Variants in FHAD1 observed in about 807,000 individuals in gnomAD.
FHAD1 encodes the protein forkhead associated phosphopeptide binding domain 1, also known as forkhead-associated domain-containing protein 1.
Under a neutral mutation model 191.3 loss-of-function variants are expected in FHAD1, and 146 were observed. The observed-to-expected ratio is 0.76, with a 90% CI of 0.67 to 0.88. The LOEUF (loss-of-function observed/expected upper bound fraction) is 0.88. Ranked by LOEUF, FHAD1 falls within the 40% of genes least tolerant of loss-of-function variation. The probability of loss-of-function intolerance (pLI) is 0.00; values close to 1 mark genes in which losing one functional copy is unlikely to be tolerated. For missense variants in FHAD1, 1,635 were observed against 1,785.8 expected (o/e 0.92, Z 1.52); for synonymous variants, 616 against 672.3 (o/e 0.92, Z 1.29).
Position 15,318,011 on chromosome 1 carries a change from A to T in FHAD1, c.1365+83A>T, listed in dbSNP as rs1675041146. 5.8e-6 allele frequency: 5 copies of T among 867,908 alleles called. No homozygotes were observed. The South Asian group carries it at 7.8e-5, about 14-fold the overall frequency. 53.8% of individuals were successfully genotyped at this position (867,908 alleles called of 1,614,324 possible). ...TCCCTGTTAGTCCTCTAAGTGGACT[A>T]TGCTGGTATTAACCCTTCTTACAGC... On this transcript the variant is annotated intron_variant, in intron 10 of 33. Transcript: ENST00000688493. The surrounding 1 kb of genome is among the most constrained non-coding windows in gnomAD (Gnocchi z 4.1).
chr1:15,292,053 CT>C (rs1664956742), intron 4 of FHAD1, among the ~76,000 whole-genome samples: 1 of 152,214 alleles, frequency 6.6e-6, no homozygotes, highest in African/African-American at 2.4e-5. Flanking sequence ...ATTGTGTTCT[CT>C]CAAAATTTAT....
At chr1:15,387,647 G>C (rs1397223537) in intron 31 of FHAD1, among the ~76,000 whole-genome samples, 5 of 152,154 alleles carry the variant, frequency 3.3e-5, no homozygotes, top group African/African-American at 1.2e-4. Flanking sequence ...CACTTTGGGA[G>C]GGTGATGTAG....
intron 3 of FHAD1, among the ~76,000 whole-genome samples, chr1:15,285,967 T>C (rs1662264271): frequency 6.6e-6 from 1 of 152,220 alleles, no homozygotes; most frequent in African/African-American, 2.4e-5. Flanking sequence ...AAATGTTGTA[T>C]GAATCCACTT....
intron 17 of FHAD1, 63 bp from the exon 18 acceptor site, chr1:15,345,353 C>T (rs1688469122): frequency 3.4e-6 from 5 of 1,463,186 alleles, no homozygotes; most frequent in Admixed American, 3.9e-5. Flanking sequence ...CTGTGCGGTG[C>T]CTGGCAGAGT....
chr1:15,335,101 C>A (rs773664549), intron 14 of FHAD1, among the ~76,000 whole-genome samples: 8 of 152,188 alleles, frequency 5.3e-5, no homozygotes, highest in Non-Finnish European at 1.0e-4. Flanking sequence ...GCGGGGTAAA[C>A]GTCAGGGAAA....
At position 15,272,216 on chromosome 1, in the gene FHAD1, C is replaced by A. The variant is rs147237287; in HGVS notation, c.94-107C>A. On this transcript the variant is annotated intron_variant, in intron 2 of 33. Coordinates refer to ENST00000688493, the MANE Select transcript of FHAD1 (RefSeq NM_001391957.1). Reference sequence around the variant, plus strand: ...CTCCTCCTTTTAAAATGAGGATTGTCGTGATGATCTGGCGGCGGCAAAACA... The same window carrying A: ...CTCCTCCTTTTAAAATGAGGATTGTAGTGATGATCTGGCGGCGGCAAAACA... The A allele has an allele frequency of 4.1e-3, 3,990 of 972,076 alleles. 22 individuals carry two copies. The highest frequency in any genetic ancestry group is 6.0e-3 in the South Asian group (381 of 63,360). 60.2% of individuals were successfully genotyped at this position (972,076 alleles called of 1,614,324 possible).
intron 1 of FHAD1, among the ~76,000 whole-genome samples, chr1:15,240,956 C>CAAAAAAAAAAAA (rs55740154): frequency 8.0e-6 from 1 of 124,820 alleles, no homozygotes; most frequent in Non-Finnish European, 1.7e-5. Context: ...GACTCTATCT[C>CAAAAAAAAAAAA]AAAAAAAAAA....
intron 33 of FHAD1, among the ~76,000 whole-genome samples, chr1:15,393,639 G>A (rs895608830): frequency 6.7e-6 from 1 of 149,898 alleles, no homozygotes. Context: ...GTCTTGCTCT[G>A]TGGTCCAGGC....
At chr1:15,272,149 G>C (rs1019585221) in intron 2 of FHAD1, among the ~76,000 whole-genome samples, 174 bp from the exon 3 acceptor site, 1 of 152,134 alleles carries the variant, frequency 6.6e-6, no homozygotes, top group African/African-American at 2.4e-5. Context: ...CACACTAGCT[G>C]TGTGGCCTTG....
rs888181860 is a variant in FHAD1 at position 15,273,460 on chromosome 1, C to T, written c.300+931C>T. On this transcript the variant is annotated intron_variant, in intron 3 of 33. Coordinates refer to ENST00000688493, the MANE Select transcript of FHAD1 (RefSeq NM_001391957.1). ...CCACAACCAAGACATTAAGTGCACC[C>T]GTCACACTACAGGGTTCCTCATGAC... Among the ~76,000 whole-genome samples the T allele has an allele frequency of 4.1e-5, 6 of 147,474 alleles. No homozygotes were observed. The East Asian group carries it at 6.2e-4, about 15-fold the overall frequency.
intron 15 of FHAD1, 99 bp from the exon 16 acceptor site, chr1:15,341,637 T>C (rs1686720350): frequency 9.3e-7 from 1 of 1,080,032 alleles, no homozygotes; most frequent in Non-Finnish European, 1.3e-6. Flanking sequence ...GGGTAAACCT[T>C]TGTACCCAGA....
intron 20 of FHAD1, 74 bp from the exon 21 acceptor site, chr1:15,358,036 G>C: frequency 1.9e-6 from 2 of 1,053,452 alleles, no homozygotes. Context: ...TGTCCTTGAA[G>C]GTGGGGGATA....
intron 3 of FHAD1, among the ~76,000 whole-genome samples, chr1:15,287,839 A>G (rs535387932): frequency 1.9e-4 from 29 of 152,180 alleles, no homozygotes; most frequent in African/African-American, 6.7e-4. Flanking sequence ...CTCCTTTTCA[A>G]TGAAACCCAG....
At chr1:15,337,122 A>C (rs1378625326) in intron 14 of FHAD1, among the ~76,000 whole-genome samples, 3 of 152,148 alleles carry the variant, frequency 2.0e-5, no homozygotes, top group Non-Finnish European at 4.4e-5. Flanking sequence ...GCCAGGGGCC[A>C]TGGCCACCAG....
chr1:15,382,543 G>A (rs115182091), intron 31 of FHAD1, among the ~76,000 whole-genome samples: 1,546 of 152,274 alleles, frequency 0.01, 8 homozygotes, highest in Middle Eastern at 0.017. Context: ...TGCCTGGCAC[G>A]CGGTAGACAC....
At position 15,318,655 on chromosome 1, in the gene FHAD1, AAAAT is replaced by A. The variant is rs1341915134; in HGVS notation, c.1365+735_1365+738del. 6.6e-6 allele frequency among the ~76,000 whole-genome samples: 1 copy of A among 152,190 alleles called. No individual in the cohort carries two copies. The highest frequency in any genetic ancestry group is 2.4e-5 in the African/African-American group (1 of 41,454). On this transcript the variant is annotated intron_variant, in intron 10 of 33. Coordinates refer to ENST00000688493, the MANE Select transcript of FHAD1 (RefSeq NM_001391957.1). This position sits in a 1 kb window ranked among gnomAD's most constrained non-coding sequence, Gnocchi z 4.1. The stretch of plus-strand genomic sequence containing the variant: ...TCTCAAAAAAAAAAAAATTTAATTA[AAAAT>A]AAATAAAACAAAACGTTGCTCCTCA...
intron 31 of FHAD1, among the ~76,000 whole-genome samples, chr1:15,382,431 AT>A (rs1026864529): frequency 2.6e-5 from 4 of 152,058 alleles, no homozygotes; most frequent in African/African-American, 9.6e-5. Flanking sequence ...GCTCATCTGT[AT>A]TTTTTTTAAT....
chr1:15,345,876 C>T (rs1384013689), intron 18 of FHAD1, among the ~76,000 whole-genome samples: 1 of 152,130 alleles, frequency 6.6e-6, no homozygotes, highest in East Asian at 1.9e-4. Flanking sequence ...GGACCCTCCA[C>T]CAGCATCCTA....
At chr1:15,260,385 T>C (rs1318568515) in intron 2 of FHAD1, among the ~76,000 whole-genome samples, 2 of 152,226 alleles carry the variant, frequency 1.3e-5, no homozygotes, top group East Asian at 3.8e-4. Flanking sequence ...TTGTATTCGT[T>C]TTCTATTTAT....
Sources: allele counts gnomAD v4.1 joint callset (sites outside exome capture counted in the v4.1 genomes callset), GRCh38; gene constraint gnomAD v4.1.1; non-coding constraint Gnocchi (gnomAD v3.1); transcripts MANE v1.5; gene names NCBI Gene and HGNC (gene_info 2026-07-23, HGNC 2026-07-21).